Variants in STK24 observed in about 807,000 individuals in gnomAD.
The protein encoded by STK24 is serine/threonine-protein kinase 24.
A neutral mutation model predicts 55.6 loss-of-function variants in STK24; 21 were observed. The observed-to-expected ratio is 0.38, with a 90% CI of 0.27 to 0.54. The LOEUF (loss-of-function observed/expected upper bound fraction) is 0.54. Ranked by LOEUF, STK24 falls within the 20% of genes least tolerant of loss-of-function variation. The pLI, the probability that STK24 is intolerant of heterozygous loss-of-function variation, is 0.79. For missense variants in STK24, 383 were observed against 538.4 expected (o/e 0.71, Z 2.86); for synonymous variants, 200 against 215.2 (o/e 0.93, Z 0.62).
rs527466966 is a variant in STK24, at chr13:98,451,844, A to G, written c.*1329T>C. 3 of 152,454 alleles carry G rather than the reference A, an allele frequency of 2.0e-5. No homozygotes were observed. Among genetic ancestry groups the G allele is most frequent in the African/African-American group, 7.2e-5 (3 of 41,572 alleles). 9.4% of individuals were successfully genotyped at this position (152,454 alleles called of 1,614,324 possible). On this transcript the variant is annotated 3_prime_UTR_variant, in exon 11 of 11. Transcript: ENST00000539966. ...CAAGGTCCCACAGCAAACCAAGAAA[A>G]ACAGACACACTGGCTGCCTGCCTAG... is the stretch of plus-strand genomic sequence containing the variant.
chr13:98,544,763 A>T (rs772288757), intron 1 of STK24, among the ~76,000 whole-genome samples: 8 of 152,222 alleles, frequency 5.3e-5, no homozygotes, highest in Non-Finnish European at 1.2e-4. Context: ...CATTTCAGAA[A>T]AATACTCTCA....
chr13:98,512,171 A>T (rs1253165398), intron 2 of STK24, among the ~76,000 whole-genome samples: 1 of 152,214 alleles, frequency 6.6e-6, no homozygotes, highest in African/African-American at 2.4e-5. Context: ...TACAGGCGTG[A>T]GCCACTGTGC....
At chr13:98,464,667 T>G (rs907326575) in intron 6 of STK24, among the ~76,000 whole-genome samples, 14 of 151,580 alleles carry the variant, frequency 9.2e-5, no homozygotes, top group Admixed American at 2.0e-4. Context: ...GGCTAATTTT[T>G]TGTATTTTTA....
At chr13:98,510,727 C>T (rs1018291946) in intron 2 of STK24, among the ~76,000 whole-genome samples, 2 of 152,102 alleles carry the variant, frequency 1.3e-5, no homozygotes, top group African/African-American at 4.8e-5. Context: ...TCTATAGAGA[C>T]AGAAAGGAGA....
chr13:98,512,428 C>T (rs928903435), intron 2 of STK24, among the ~76,000 whole-genome samples: 7 of 151,896 alleles, frequency 4.6e-5, no homozygotes, highest in African/African-American at 9.7e-5. Flanking sequence ...TGACTTAGAG[C>T]GAAACAGGTC....
At position 98,448,144 on chromosome 13, in the gene STK24, A is replaced by C; in HGVS notation, c.*5029T>G. 1 of 1,108,140 alleles carries C rather than the reference A, an allele frequency of 9.0e-7. No homozygotes were observed. 68.6% of individuals were successfully genotyped at this position (1,108,140 alleles called of 1,614,324 possible). On this transcript the variant is annotated 3_prime_UTR_variant, in exon 11 of 11. Coordinates refer to ENST00000539966, the MANE Select transcript of STK24 (RefSeq NM_001032296.4). Reference sequence around the variant, plus strand: ...GGCAGATTACCAACCAGGCGGCCTGACTTCACCTTGTGTTTCTGTAAGCGA... The same window carrying C: ...GGCAGATTACCAACCAGGCGGCCTGCCTTCACCTTGTGTTTCTGTAAGCGA...
chr13:98,512,930 ACCAGACTTACCGGG>A (rs879870056), intron 2 of STK24, among the ~76,000 whole-genome samples: 1 of 152,190 alleles, frequency 6.6e-6, no homozygotes. Context: ...TATAAGGAAC[ACCAGACTTACCGGG>A]GTCACTGCCA....
At chr13:98,474,563 T>G (rs537406752) in intron 5 of STK24, among the ~76,000 whole-genome samples, 1 of 152,210 alleles carries the variant, frequency 6.6e-6, no homozygotes, top group Non-Finnish European at 1.5e-5. Flanking sequence ...CTCCATCCTG[T>G]GTCCCCGCTG....
rs1381955197 is a variant in STK24 at position 98,461,823 on chromosome 13, T to C, written c.1004A>G (p.Lys335Arg). The stretch of plus-strand genomic sequence containing the variant: ...CTGAAGAGCTCCATTCTCGAGATTC[T>C]TGGGATCTTTTTCTCGGATTGTGAA... ...WIFTIREKDP[K>R]NLENGALQPS... The change falls in exon 8 of 11, where the codon AAG becomes AGG. Residue 335 changes from lysine to arginine, a missense_variant. Transcript: ENST00000539966. The C allele has an allele frequency of 9.9e-6, 16 of 1,614,062 alleles. No individual in the cohort carries two copies. Among genetic ancestry groups the C allele is most frequent in the Non-Finnish European group, 1.4e-5 (16 of 1,180,004 alleles).
intron 2 of STK24, among the ~76,000 whole-genome samples, chr13:98,492,031 G>T (rs1033304163): frequency 1.3e-5 from 2 of 151,934 alleles, no homozygotes; most frequent in African/African-American, 4.8e-5. Flanking sequence ...GCAGAAAAGG[G>T]TGGGTGAAGA....
intron 1 of STK24, among the ~76,000 whole-genome samples, chr13:98,551,173 C>G (rs1897151412): frequency 6.6e-6 from 1 of 151,874 alleles, no homozygotes; most frequent in African/African-American, 2.4e-5. Context: ...GTAGTCCCAG[C>G]TACTCGGGAG....
At chr13:98,545,412 C>T (rs1031938663) in intron 1 of STK24, among the ~76,000 whole-genome samples, 2 of 151,992 alleles carry the variant, frequency 1.3e-5, no homozygotes, top group Non-Finnish European at 2.9e-5. Context: ...TTTGGGAGGC[C>T]GAGGCGGGTG....
chr13:98,518,035 A>G (rs1036335969), intron 2 of STK24, among the ~76,000 whole-genome samples: 21 of 152,198 alleles, frequency 1.4e-4, no homozygotes, highest in African/African-American at 3.6e-4. Flanking sequence ...AAATAATGAA[A>G]ACTCACTCAA....
intron 2 of STK24, among the ~76,000 whole-genome samples, chr13:98,482,661 G>GTGAGAGC (rs1894640186): frequency 6.6e-6 from 1 of 152,236 alleles, no homozygotes; most frequent in Non-Finnish European, 1.5e-5. Context: ...CTCAGGCACA[G>GTGAGAGC]TGAGAGCTGA....
At chr13:98,525,501 G>GGCGGGGATGGGA (rs1896401356) in intron 1 of STK24, among the ~76,000 whole-genome samples, 1 of 152,200 alleles carries the variant, frequency 6.6e-6, no homozygotes. Flanking sequence ...AGGGGATGGG[G>GGCGGGGATGGGA]GCGGGGATGG....
chr13:98,554,939 A>G (rs949946461), intron 1 of STK24, among the ~76,000 whole-genome samples: 4 of 146,060 alleles, frequency 2.7e-5, no homozygotes, highest in African/African-American at 1.0e-4. Context: ...CACTTGAACC[A>G]GGGAGATGGA....
At chr13:98,555,039 G>C (rs1442966199) in intron 1 of STK24, among the ~76,000 whole-genome samples, 1 of 142,532 alleles carries the variant, frequency 7.0e-6, no homozygotes, top group African/African-American at 2.6e-5. Context: ...AAAAAAGAAA[G>C]AAAAAATAGT....
In STK24 at chr13:98,445,939, C is replaced by G. The variant is rs114947210; in HGVS notation, c.*7234G>C. On this transcript the variant is annotated 3_prime_UTR_variant, in exon 11 of 11. Coordinates refer to ENST00000539966, the MANE Select transcript of STK24 (RefSeq NM_001032296.4). The stretch of plus-strand genomic sequence containing the variant: ...AGTGATGAGATCAGGGTCCCAGGAC[C>G]TGCCAAGTCTCCCCACACACGGGGG... The G allele has an allele frequency of 1.1e-3, 651 of 586,624 alleles. 3 individuals carry two copies. Among genetic ancestry groups the G allele is most frequent in the African/African-American group, 0.01 (556 of 53,240 alleles). 36.3% of individuals were successfully genotyped at this position (586,624 alleles called of 1,614,324 possible). A position where few individuals can be genotyped will look rare whatever the true frequency, so the allele number is the denominator to read the frequency against.
At chr13:98,534,289 C>G (rs183402067) in intron 1 of STK24, among the ~76,000 whole-genome samples, 20 of 152,318 alleles carry the variant, frequency 1.3e-4, no homozygotes, top group African/African-American at 4.1e-4. Context: ...TGCAAAAATT[C>G]TAACAGTGAG....
Sources: gnomAD v4.1 joint callset for allele counts (sites outside exome capture counted in the v4.1 genomes callset) on GRCh38, gnomAD v4.1.1 for gene constraint, MANE v1.5 for transcripts, NCBI Gene and HGNC (gene_info 2026-07-23, HGNC 2026-07-21) for gene names.